RNASEH2B: variants seen among roughly 807,000 people sequenced by gnomAD.
RNASEH2B encodes the protein ribonuclease H2 subunit B.
RNASEH2B carries 36 observed loss-of-function variants against 45.0 expected under a neutral mutation model. The ratio of observed to expected loss-of-function variants is 0.80; its 90% CI spans 0.61 to 1.06. The LOEUF (loss-of-function observed/expected upper bound fraction) is 1.06. Among genes scored for constraint, RNASEH2B ranks in the 50% least tolerant of loss-of-function variants. The probability of loss-of-function intolerance (pLI) is 0.00; values close to 1 mark genes in which losing one functional copy is unlikely to be tolerated. For missense variants in RNASEH2B, 361 were observed against 360.3 expected (o/e 1.00, Z -0.02); for synonymous variants, 119 against 125.7 (o/e 0.95, Z 0.35).
intron 1 of RNASEH2B, chr13:50,912,962 T>G (rs1179695444): frequency 6.6e-6 from 1 of 152,252 alleles, no homozygotes; most frequent in Non-Finnish European, 1.5e-5. Context: ...AAGGATATAT[T>G]TAAATGTTTG....
chr13:50,910,119 C>T lies in RNASEH2B; in HGVS notation c.43C>T (p.Gln15Ter). ...VDCGDGVGAR[Q>*]HVFLVSEYLK... ...CTGCGGGGACGGGGTTGGCGCCCGG[C>T]AGCACGTGTTCCTGGTTTCAGGTAA... Residue 15 changes from glutamine to a stop codon, truncating the protein, a stop_gained, in exon 1 of 11, where the codon CAG becomes TAG. Transcript: ENST00000336617. LOFTEE classifies it high-confidence loss of function. 1 of 1,459,468 alleles carries T rather than the reference C, an allele frequency of 6.9e-7. No homozygotes were observed. The highest frequency in any genetic ancestry group is 9.0e-7 in the Non-Finnish European group (1 of 1,107,528). The allele number at this position is 1,459,468 out of a possible 1,614,324, so 90.4% of individuals were successfully genotyped here.
chr13:50,923,515 TG>T (rs1255835640), intron 1 of RNASEH2B, among the ~76,000 whole-genome samples: 3 of 151,888 alleles, frequency 2.0e-5, no homozygotes, highest in African/African-American at 7.3e-5. Flanking sequence ...TGGAAGTGAG[TG>T]GGATGACATA....
At chr13:50,917,946 C>T (rs116739711) in intron 1 of RNASEH2B, among the ~76,000 whole-genome samples, 1,530 of 152,202 alleles carry the variant, frequency 0.01, 25 homozygotes, top group African/African-American at 0.034. Flanking sequence ...CATGCTCCAT[C>T]CATGCTCCAT....
intron 1 of RNASEH2B, among the ~76,000 whole-genome samples, chr13:50,923,716 T>G (rs1475473111): frequency 2.0e-5 from 3 of 152,168 alleles, no homozygotes; most frequent in African/African-American, 7.2e-5. Flanking sequence ...AGATGATAAC[T>G]TGAATCCACA....
At chr13:50,957,869 G>A (rs750535258), downstream of RNASEH2B, among the ~76,000 whole-genome samples, 18 of 152,058 alleles carry the variant, frequency 1.2e-4, no homozygotes, top group East Asian at 1.9e-4. Flanking sequence ...GATGATGGGC[G>A]TTTTTTAATA....
intron 9 of RNASEH2B, among the ~76,000 whole-genome samples, chr13:50,965,984 A>C (rs1327990312): frequency 6.6e-6 from 1 of 152,192 alleles, no homozygotes; most frequent in Non-Finnish European, 1.5e-5. Flanking sequence ...TAAACTGGCA[A>C]TTTTGTTTTC....
intron 4 of RNASEH2B, chr13:50,934,519 C>T (rs1305049644): frequency 6.3e-6 from 2 of 319,240 alleles, no homozygotes; most frequent in South Asian, 5.9e-5. Context: ...AGGACTCTTG[C>T]TCTGTGACCA....
rs189364098 is a variant in RNASEH2B, at chr13:50,930,211, C to T, written c.245-472C>T. The T allele has an allele frequency of 5.5e-5, 13 of 237,004 alleles. No homozygotes were observed. In the East Asian group the frequency reaches 7.8e-4, roughly 14 times the overall value. 14.7% of individuals were successfully genotyped at this position (237,004 alleles called of 1,614,324 possible). A position where few individuals can be genotyped will look rare whatever the true frequency, so the allele number is the denominator to read the frequency against. On this transcript the variant is annotated intron_variant, in intron 3 of 10. Coordinates refer to ENST00000336617, the MANE Select transcript of RNASEH2B (RefSeq NM_024570.4). ...CCTACATCCCCCTGCCCACAGACCACGGAAGGGACTGTGTATAGAGAGAAT... is the reference window on the plus strand; with the variant it reads ...CCTACATCCCCCTGCCCACAGACCATGGAAGGGACTGTGTATAGAGAGAAT...
chr13:50,938,042 A>T (rs1247456635), intron 5 of RNASEH2B: 3 of 152,254 alleles, frequency 2.0e-5, no homozygotes, highest in Non-Finnish European at 4.4e-5. Context: ...ATCCAAAAGA[A>T]TCTACAAAAG....
At chr13:50,959,143 T>C (rs1203566586), downstream of RNASEH2B, among the ~76,000 whole-genome samples, 1 of 152,206 alleles carries the variant, frequency 6.6e-6, no homozygotes, top group Non-Finnish European at 1.5e-5. Context: ...TTATAGAGAA[T>C]TGTCTTTTAT....
intron 4 of RNASEH2B, among the ~76,000 whole-genome samples, chr13:50,932,958 A>C (rs958438253): frequency 1.3e-5 from 2 of 152,154 alleles, no homozygotes; most frequent in African/African-American, 4.8e-5. Context: ...GAATTAGTGA[A>C]GTTTTATCCC....
Position 50,956,652 on chromosome 13 carries a change from C to A in RNASEH2B, c.*178C>A. 7.2e-7 allele frequency: 1 copy of A among 1,388,490 alleles called. No homozygotes were observed. The highest frequency in any genetic ancestry group is 9.4e-7 in the Non-Finnish European group (1 of 1,066,150). 86.0% of individuals were successfully genotyped at this position (1,388,490 alleles called of 1,614,324 possible). A position where few individuals can be genotyped will look rare whatever the true frequency, so the allele number is the denominator to read the frequency against. ...GAACAAAATATGGGAAAGTGTCTAA[C>A]TTCATGGCTATGGCCTTTTGGAGTC... On this transcript the variant is annotated 3_prime_UTR_variant, in exon 11 of 11. Coordinates refer to ENST00000336617, the MANE Select transcript of RNASEH2B (RefSeq NM_024570.4).
intron 5 of RNASEH2B, 113 bp from the exon 6 acceptor site, chr13:50,943,208 T>G: frequency 1.4e-6 from 1 of 714,260 alleles, no homozygotes; most frequent in South Asian, 1.7e-5. Context: ...ATTAAGCTTT[T>G]CAAGAATTTA....
intron 1 of RNASEH2B, among the ~76,000 whole-genome samples, chr13:50,918,138 T>C (rs1879845472): frequency 6.6e-6 from 1 of 151,920 alleles, no homozygotes; most frequent in African/African-American, 2.4e-5. Flanking sequence ...TTTTTATATT[T>C]ATTTATTTAT....
chr13:50,942,257 G>A (rs563774597), intron 5 of RNASEH2B: 48 of 152,326 alleles, frequency 3.2e-4, no homozygotes, highest in African/African-American at 1.2e-3. Flanking sequence ...TAATGTCATG[G>A]TATATAAGGC....
intron 9 of RNASEH2B, chr13:50,969,873 G>C: frequency 6.6e-7 from 1 of 1,505,302 alleles, no homozygotes; most frequent in Non-Finnish European, 9.1e-7. Flanking sequence ...GGTGCTTGGG[G>C]TTTCAGGTGA....
At chr13:50,918,219 G>C (rs1879851479) in intron 1 of RNASEH2B, among the ~76,000 whole-genome samples, 1 of 152,036 alleles carries the variant, frequency 6.6e-6, no homozygotes, top group Non-Finnish European at 1.5e-5. Context: ...CTCACTGCAA[G>C]CTCCGCCTCC....
intron 9 of RNASEH2B, among the ~76,000 whole-genome samples, chr13:50,963,309 C>T (rs746816947): frequency 4.7e-4 from 72 of 152,198 alleles, no homozygotes; most frequent in Non-Finnish European, 8.8e-4. Context: ...GGATTACAGT[C>T]ATGCGTCACC....
chr13:50,935,022 A>T (rs760082711), intron 5 of RNASEH2B, 23 bp downstream of exon 5: 2 of 1,481,250 alleles, frequency 1.4e-6, no homozygotes, highest in African/African-American at 2.8e-5. Context: ...TTAAAGGCTT[A>T]TGGCTGGTAG....
Sources: gnomAD v4.1 joint callset for allele counts (sites outside exome capture counted in the v4.1 genomes callset) on GRCh38, gnomAD v4.1.1 for gene constraint, MANE v1.5 for transcripts, NCBI Gene and HGNC (gene_info 2026-07-23, HGNC 2026-07-21) for gene names.